KCNS3: variants seen among roughly 807,000 people sequenced by gnomAD.
The protein encoded by KCNS3 is potassium voltage-gated channel modifier subfamily S member 3, also known as delayed-rectifier potassium channel regulatory subunit KCNS3.
Under a neutral mutation model 31.0 loss-of-function variants are expected in KCNS3, and 13 were observed. That is an observed-to-expected ratio of 0.42 (90% CI 0.27 to 0.67). KCNS3 has a LOEUF of 0.67. Ranked by LOEUF, KCNS3 falls within the 30% of genes least tolerant of loss-of-function variation. The pLI, the probability that KCNS3 is intolerant of heterozygous loss-of-function variation, is 0.25. For missense variants in KCNS3, 545 were observed against 622.4 expected, an observed-to-expected ratio of 0.88 and a Z score of 1.32; for synonymous variants, 238 against 241.5, an observed-to-expected ratio of 0.99 and a Z score of 0.13.
intron 1 of KCNS3, among the ~76,000 whole-genome samples, chr2:17,901,636 T>C (rs1461954): frequency 0.87 from 131,873 of 151,974 alleles, 57,279 homozygotes; most frequent in East Asian, 0.98. Flanking sequence ...TGACATTGGC[T>C]GATGAGAAGA....
chr2:17,915,580 T>C (rs1171702623), intron 1 of KCNS3, among the ~76,000 whole-genome samples: 1 of 152,130 alleles, frequency 6.6e-6, no homozygotes, highest in Non-Finnish European at 1.5e-5. Context: ...TGTAGGACTT[T>C]GGACAAATCA....
At chr2:17,908,500 C>A (rs1386680884) in intron 1 of KCNS3, among the ~76,000 whole-genome samples, 1 of 152,218 alleles carries the variant, frequency 6.6e-6, no homozygotes, top group Non-Finnish European at 1.5e-5. Flanking sequence ...CCGTTGCTGG[C>A]GTGGAGCTGC....
In KCNS3 at chr2:17,928,833, C is replaced by T. The variant is rs75386914; in HGVS notation, c.-59-2117C>T. On this transcript the variant is annotated intron_variant, in intron 2 of 2. Coordinates refer to ENST00000304101, the MANE Select transcript of KCNS3 (RefSeq NM_002252.5). ...AACACATCCTCTTTTGGCCTTTCTG[C>T]TTCCTTGTCCCTTTTTTTTTCCCAA... Among the ~76,000 whole-genome samples, 61 of 152,180 alleles carry T rather than the reference C, an allele frequency of 4.0e-4. No homozygotes were observed. In the East Asian group the frequency reaches 0.011, roughly 28 times the overall value.
intron 1 of KCNS3, among the ~76,000 whole-genome samples, chr2:17,915,089 C>T (rs771753446): frequency 6.6e-6 from 1 of 152,142 alleles, no homozygotes; most frequent in Non-Finnish European, 1.5e-5. Context: ...CATTTGTTCA[C>T]TTTTGAATGC....
rs1422199120 is a variant in KCNS3 at position 17,888,309 on chromosome 2, T to G, written c.-252+9503T>G. On this transcript the variant is annotated intron_variant, in intron 1 of 2. Coordinates refer to ENST00000304101, the MANE Select transcript of KCNS3 (RefSeq NM_002252.5). The stretch of plus-strand genomic sequence containing the variant: ...TGTTATCTTCTAGAATTTTTGTTAT[T>G]GTTCCAATGCTATCTTCTAGAATTT... 3.5e-4 allele frequency among the ~76,000 whole-genome samples: 54 copies of G among 152,122 alleles called. 1 individual carries two copies. The highest frequency in any genetic ancestry group is 3.5e-3 in the Admixed American group (54 of 15,268).
intron 1 of KCNS3, among the ~76,000 whole-genome samples, chr2:17,897,125 C>T (rs1662047736): frequency 6.6e-6 from 1 of 152,080 alleles, no homozygotes; most frequent in Admixed American, 6.6e-5. Context: ...CTCCCACTCA[C>T]ATAAGTGAGA....
At chr2:17,882,463 A>G (rs1358636096) in intron 1 of KCNS3, among the ~76,000 whole-genome samples, 1 of 152,216 alleles carries the variant, frequency 6.6e-6, no homozygotes, top group African/African-American at 2.4e-5. Flanking sequence ...CTTTAAGTCC[A>G]GCATCTTTCT....
At chr2:17,908,754 C>T (rs957872451) in intron 1 of KCNS3, among the ~76,000 whole-genome samples, 10 of 152,182 alleles carry the variant, frequency 6.6e-5, no homozygotes, top group South Asian at 2.1e-4. Context: ...GGGTATCAGC[C>T]GTGGAGGCTG....
intron 1 of KCNS3, among the ~76,000 whole-genome samples, chr2:17,917,202 C>A (rs2125248698): frequency 6.6e-6 from 1 of 152,220 alleles, no homozygotes; most frequent in Middle Eastern, 3.4e-3. Context: ...ATTTGGCCAG[C>A]CTTTGAAATC....
intron 1 of KCNS3, among the ~76,000 whole-genome samples, chr2:17,896,251 G>T (rs1195730034): frequency 6.6e-6 from 1 of 151,956 alleles, no homozygotes; most frequent in African/African-American, 2.4e-5. Context: ...ATCTTGCTGT[G>T]TTGCCCAGAC....
intron 2 of KCNS3, among the ~76,000 whole-genome samples, chr2:17,928,612 A>T (rs1309826330): frequency 2.7e-5 from 4 of 150,340 alleles, no homozygotes; most frequent in Non-Finnish European, 5.9e-5. Context: ...GCTTTGTTGA[A>T]TTTTTTTTAA....
intron 1 of KCNS3, among the ~76,000 whole-genome samples, chr2:17,906,539 T>C (rs868417428): frequency 8.5e-5 from 13 of 152,246 alleles, no homozygotes; most frequent in African/African-American, 2.7e-4. Flanking sequence ...TCTAGTTCTT[T>C]TAATTGTGAT....
At chr2:17,882,296 T>TA (rs1674661475) in intron 1 of KCNS3, among the ~76,000 whole-genome samples, 1 of 152,148 alleles carries the variant, frequency 6.6e-6, no homozygotes, top group South Asian at 2.1e-4. Flanking sequence ...CCTATTGTGG[T>TA]TTGTAGGAAC....
chr2:17,928,151 ATGAT>A (rs1412108982), intron 2 of KCNS3, among the ~76,000 whole-genome samples: 2 of 152,232 alleles, frequency 1.3e-5, no homozygotes, highest in Non-Finnish European at 2.9e-5. Flanking sequence ...TTGTGGACAT[ATGAT>A]TGATCATAGT....
intron 1 of KCNS3, among the ~76,000 whole-genome samples, chr2:17,906,213 A>T (rs1215944848): frequency 2.0e-5 from 3 of 152,182 alleles, no homozygotes; most frequent in Non-Finnish European, 4.4e-5. Context: ...CCAGGAATTT[A>T]TCCATTTCTT....
In KCNS3 at chr2:17,888,631, A is replaced by ATATCTATCTATC. The variant is rs199928504; in HGVS notation, c.-252+9828_-252+9829insCTATCTATCTAT. Among the ~76,000 whole-genome samples the ATATCTATCTATC allele has an allele frequency of 3.3e-4, 10 of 30,430 alleles. No individual in the cohort carries two copies. In the East Asian group the frequency reaches 4.2e-3, roughly 13 times the overall value. The allele number at this position is 30,430 out of a possible 152,430, so 20.0% of individuals were successfully genotyped here. Reference sequence around the variant, plus strand: ...ACTTAAAGTATAATAAAAAAAATGTATATATATATATATATATATATATAT... The same window carrying ATATCTATCTATC: ...ACTTAAAGTATAATAAAAAAAATGTATATCTATCTATCTATATATATATATATATATATATAT... On this transcript the variant is annotated intron_variant, in intron 1 of 2. Transcript: ENST00000304101.
intron 1 of KCNS3, among the ~76,000 whole-genome samples, chr2:17,907,986 C>T (rs1474054535): frequency 6.6e-6 from 1 of 152,122 alleles, no homozygotes; most frequent in Non-Finnish European, 1.5e-5. Flanking sequence ...CTCTGTATTT[C>T]CTGAATTTGA....
intron 1 of KCNS3, among the ~76,000 whole-genome samples, chr2:17,884,052 A>G (rs2125230686): frequency 7.3e-6 from 1 of 136,552 alleles, no homozygotes; most frequent in South Asian, 2.4e-4. Flanking sequence ...TGGGAATTGA[A>G]CAATGAGAAC....
At chr2:17,922,881 G>A (rs184580145) in intron 2 of KCNS3, among the ~76,000 whole-genome samples, 342 of 151,660 alleles carry the variant, frequency 2.3e-3, no homozygotes, top group African/African-American at 7.7e-3. Context: ...CCCCTTTTTC[G>A]CTATTATGAA....
Sources: gnomAD v4.1 joint callset for allele counts (sites outside exome capture counted in the v4.1 genomes callset) on GRCh38, gnomAD v4.1.1 for gene constraint, MANE v1.5 for transcripts, NCBI Gene and HGNC (gene_info 2026-07-23, HGNC 2026-07-21) for gene names.